The following ANKRD36 variants were observed in gnomAD, a reference collection of about 807,000 sequenced individuals.
ANKRD36 encodes the protein ankyrin repeat domain 36, also known as ankyrin repeat domain-containing protein 36A.
Under a neutral mutation model 278.1 loss-of-function variants are expected in ANKRD36, and 179 were observed. The observed-to-expected ratio is 0.64, with a 90% CI of 0.57 to 0.73. The LOEUF (loss-of-function observed/expected upper bound fraction) is 0.73. ANKRD36 is among the 30% of genes least tolerant of loss of function. The pLI, the probability that ANKRD36 is intolerant of heterozygous loss-of-function variation, is 0.00. For missense variants in ANKRD36, 1,159 were observed against 1,956.7 expected (o/e 0.59, Z 7.69); for synonymous variants, 320 against 641.1 (o/e 0.50, Z 7.57).
intron 6 of ANKRD36, among the ~76,000 whole-genome samples, chr2:97,140,512 A>C (rs1489914423): frequency 2.0e-5 from 3 of 151,938 alleles, no homozygotes; most frequent in Non-Finnish European, 4.4e-5. Context: ...AGCCTATGAT[A>C]ATAACTCATA....
chr2:97,206,153 T>G lies in ANKRD36; in HGVS notation c.3163+18T>G. The G allele has an allele frequency of 1.3e-6, 2 of 1,523,100 alleles. No homozygotes were observed. Among genetic ancestry groups the G allele is most frequent in the Non-Finnish European group, 1.8e-6 (2 of 1,135,416 alleles). The allele number at this position is 1,523,100 out of a possible 1,614,324, so 94.3% of individuals were successfully genotyped here. On this transcript the variant is annotated intron_variant, in intron 52 of 75. Coordinates refer to ENST00000420699, the MANE Select transcript of ANKRD36 (RefSeq NM_001354587.1). ...TAGGACAGGTAATTCTGAAAACAGA[T>G]TTAATGCCATGTTCAGTCGAGATAG... is the stretch of plus-strand genomic sequence containing the variant.
At chr2:97,195,068 A>G (rs1174072514) in intron 40 of ANKRD36, among the ~76,000 whole-genome samples, 151 bp downstream of exon 40, 1 of 151,978 alleles carries the variant, frequency 6.6e-6, no homozygotes, top group Non-Finnish European at 1.5e-5. Flanking sequence ...GGTTATGCTG[A>G]TGCTACTGGT....
intron 11 of ANKRD36, 38 bp from the exon 12 acceptor site, chr2:97,149,257 G>T (rs1450901747): frequency 6.6e-7 from 1 of 1,509,150 alleles, no homozygotes; most frequent in Admixed American, 2.0e-5. Context: ...TTTAAGAAAT[G>T]AATGAGCTCA....
chr2:97,159,735 AAAT>A (rs2048366393), intron 17 of ANKRD36, among the ~76,000 whole-genome samples: 1 of 151,028 alleles, frequency 6.6e-6, no homozygotes, highest in South Asian at 2.1e-4. Flanking sequence ...AAATAATAAA[AAAT>A]AATAAAAATT....
chr2:97,219,528 G>A (rs1261190057), intron 66 of ANKRD36, among the ~76,000 whole-genome samples: 1 of 150,848 alleles, frequency 6.6e-6, no homozygotes, highest in South Asian at 2.2e-4. Context: ...GTTGCCCAGG[G>A]TGGAGTGCAA....
chr2:97,205,132 G>C (rs1575878016), intron 50 of ANKRD36, among the ~76,000 whole-genome samples: 1 of 151,736 alleles, frequency 6.6e-6, no homozygotes, highest in African/African-American at 2.4e-5. Flanking sequence ...TGAAGTCCTA[G>C]AGTGATCATT....
chr2:97,231,854 A>G (rs564265472), intron 67 of ANKRD36, among the ~76,000 whole-genome samples: 1 of 152,208 alleles, frequency 6.6e-6, no homozygotes, highest in Non-Finnish European at 1.5e-5. Context: ...TTGCCTAATC[A>G]TTAGTTAGTA....
intron 67 of ANKRD36, among the ~76,000 whole-genome samples, chr2:97,232,981 C>T (rs1284605878): frequency 1.3e-5 from 2 of 148,876 alleles, no homozygotes; most frequent in African/African-American, 4.9e-5. Flanking sequence ...TGTGGCTTAC[C>T]TGCTCCAAAG....
intron 66 of ANKRD36, among the ~76,000 whole-genome samples, chr2:97,220,789 T>TTTTTTA (rs2067376044): frequency 7.9e-6 from 1 of 127,156 alleles, no homozygotes; most frequent in African/African-American, 3.1e-5. Flanking sequence ...TTTTTTTTTT[T>TTTTTTA]ATTATACTCT....
chr2:97,187,274 T>C, intron 31 of ANKRD36, 48 bp downstream of exon 31: 2 of 1,604,950 alleles, frequency 1.2e-6, no homozygotes, highest in African/African-American at 1.3e-5. Flanking sequence ...CTATAGTCTA[T>C]GAAATATACT....
At chr2:97,128,997 G>A (rs1356211187) in intron 6 of ANKRD36, among the ~76,000 whole-genome samples, 2 of 152,052 alleles carry the variant, frequency 1.3e-5, no homozygotes. Context: ...GTAATGGGAT[G>A]GCTGGGTCAA....
intron 32 of ANKRD36, 65 bp downstream of exon 32, chr2:97,187,466 A>C: frequency 2.8e-6 from 2 of 724,064 alleles, no homozygotes; most frequent in South Asian, 3.3e-5. Flanking sequence ...CTCTACCCCT[A>C]ATAAATCAGC....
intron 67 of ANKRD36, among the ~76,000 whole-genome samples, chr2:97,228,815 C>A (rs1223504189): frequency 1.3e-5 from 2 of 151,694 alleles, no homozygotes; most frequent in Admixed American, 6.6e-5. Flanking sequence ...TGAATGTGTC[C>A]CAGAGATTCT....
At chr2:97,187,008 C>T (rs1010146980) in intron 30 of ANKRD36, among the ~76,000 whole-genome samples, 190 bp from the exon 31 acceptor site, 31 of 151,796 alleles carry the variant, frequency 2.0e-4, no homozygotes, top group Non-Finnish European at 4.3e-4. Flanking sequence ...AGGAATATAT[C>T]GTGGCACATC....
At chr2:97,205,451 G>GT (rs2153609246) in intron 50 of ANKRD36, among the ~76,000 whole-genome samples, 1 of 151,642 alleles carries the variant, frequency 6.6e-6, no homozygotes, top group East Asian at 1.9e-4. Flanking sequence ...GATGTGAAGT[G>GT]TAAGTTCAAC....
At chr2:97,133,568 A>G (rs2040711954) in intron 6 of ANKRD36, among the ~76,000 whole-genome samples, 1 of 151,998 alleles carries the variant, frequency 6.6e-6, no homozygotes, top group African/African-American at 2.4e-5. Context: ...TTAAAAAATC[A>G]ATCATTTATC....
chr2:97,227,868 GC>G (rs2070429008), intron 67 of ANKRD36, among the ~76,000 whole-genome samples: 1 of 152,202 alleles, frequency 6.6e-6, no homozygotes, highest in Non-Finnish European at 1.5e-5. Context: ...TTTGTCAAAG[GC>G]CTTTTCTGCA....
chr2:97,191,487 G>A (rs1286057198), intron 36 of ANKRD36, among the ~76,000 whole-genome samples: 1 of 151,606 alleles, frequency 6.6e-6, no homozygotes, highest in Non-Finnish European at 1.5e-5. Context: ...TTTCAGTAAG[G>A]GTGGAAGGAG....
At position 97,245,460 on chromosome 2, in the gene ANKRD36, A is replaced by G. The variant is rs754871140; in HGVS notation, c.4795A>G (p.Thr1599Ala). ...AAGAGAGAGCAGGCAAAGACTGGAA[A>G]CAGAAATGCAATCATACCATTGTAG... ...KQRESRQRLE[T>A]EMQSYHCRLN... The change falls in exon 71 of 76, where the codon ACA becomes GCA. Residue 1599 changes from threonine to alanine, a missense_variant. Physicochemically the swap from Thr to Ala is moderately conservative, Grantham distance 58. Transcript: ENST00000420699. 6.2e-7 allele frequency: 1 copy of G among 1,612,746 alleles called. No homozygotes were observed. Among genetic ancestry groups the G allele is most frequent in the South Asian group, 1.1e-5 (1 of 90,418 alleles).
Sources: allele counts gnomAD v4.1 joint callset (sites outside exome capture counted in the v4.1 genomes callset), GRCh38; gene constraint gnomAD v4.1.1; transcripts MANE v1.5; gene names NCBI Gene and HGNC (gene_info 2026-07-23, HGNC 2026-07-21).